The following HSF1 variants were observed in gnomAD, a reference collection of about 807,000 sequenced individuals.
The protein encoded by HSF1 is heat shock factor protein 1.
In HSF1, 32 loss-of-function variants were observed where a neutral mutation model predicts 51.7. The observed-to-expected ratio is 0.62, with a 90% CI of 0.47 to 0.83. HSF1 has a LOEUF of 0.83. Ranked by LOEUF, HSF1 falls within the 40% of genes least tolerant of loss-of-function variation. The pLI is 0.00. For synonymous variants in HSF1, 396 were observed against 309.7 expected, an observed-to-expected ratio of 1.28 and a Z score of -2.92; for missense variants, 727 against 717.0, an observed-to-expected ratio of 1.01 and a Z score of -0.16.
intron 5 of HSF1, 25 bp from the exon 6 acceptor site, chr8:144,311,296 G>GT: frequency 6.2e-7 from 1 of 1,613,662 alleles, no homozygotes; most frequent in Non-Finnish European, 8.5e-7. Context: ...AAGGGCCGGG[G>GT]TAACTGTGTC....
rs1554844880 is a variant in HSF1, at chr8:144,312,098, C to T, written c.996C>T (p.Asp332=). 1.9e-6 allele frequency: 3 copies of T among 1,612,490 alleles called. No individual in the cohort carries two copies. The highest frequency in any genetic ancestry group is 1.7e-4 in the Middle Eastern group (1 of 6,060). The change falls in exon 9 of 13, where the codon GAC becomes GAT. Residue 332 remains aspartate, a synonymous_variant. Transcript: ENST00000528838. ...TCTTGTCCCCGACCGCCCTCATTGA[C>T]TCCATCCTGCGGGAGAGTGAACCTG... ...DTLLSPTALI[D]SILRESEPAP...
At chr8:144,312,770 C>T in intron 9 of HSF1, 1 of 1,439,934 alleles carries the variant, frequency 6.9e-7, no homozygotes. Flanking sequence ...GGCCCTCCCA[C>T]ACAGCCGTGG....
intron 1 of HSF1, among the ~76,000 whole-genome samples, chr8:144,304,102 G>A (rs1173629684): frequency 2.0e-5 from 3 of 151,092 alleles, no homozygotes; most frequent in Non-Finnish European, 2.9e-5. Flanking sequence ...CTGGTGGTCT[G>A]CCCAGCCCAT....
At position 144,300,006 on chromosome 8, in the gene HSF1, A is replaced by G. The variant is rs145072347; in HGVS notation, c.117+8132A>G. Among the ~76,000 whole-genome samples, 33 of 152,308 alleles carry G rather than the reference A, an allele frequency of 2.2e-4. 1 individual carries two copies. The East Asian group carries it at 5.4e-3, about 25-fold the overall frequency. On this transcript the variant is annotated intron_variant, in intron 1 of 12. Transcript: ENST00000528838. ...CTAATCTCCCAAGTAGAAGAATTCCACATTGTTTACTGAGATAGTTCCCCT... is the reference window on the plus strand; with the variant it reads ...CTAATCTCCCAAGTAGAAGAATTCCGCATTGTTTACTGAGATAGTTCCCCT...
At chr8:144,309,639 T>TGCCC in intron 3 of HSF1, 48 bp downstream of exon 3, 2 of 1,562,284 alleles carry the variant, frequency 1.3e-6, no homozygotes, top group Non-Finnish European at 1.7e-6. Context: ...GCCACAGCTC[T>TGCCC]CCCCGCCCGC....
chr8:144,296,916 G>A (rs782228415), intron 1 of HSF1, among the ~76,000 whole-genome samples: 25 of 118,468 alleles, frequency 2.1e-4, no homozygotes, highest in Non-Finnish European at 4.2e-4. Context: ...CCTCTGCCCC[G>A]GATGGTGTGG....
At chr8:144,296,107 C>T (rs1476296455) in intron 1 of HSF1, among the ~76,000 whole-genome samples, 13 of 152,132 alleles carry the variant, frequency 8.5e-5, no homozygotes, top group Admixed American at 6.5e-5. Context: ...GTCAGGTGGC[C>T]GCTGTGGAGG....
chr8:144,310,557 G>C (rs1169455397), intron 4 of HSF1: 4 of 159,932 alleles, frequency 2.5e-5, no homozygotes, highest in Admixed American at 2.3e-4. Context: ...AGACTCTCCT[G>C]CATGGGGTCT....
intron 9 of HSF1, chr8:144,312,992 C>A: frequency 1.9e-6 from 1 of 528,066 alleles, no homozygotes; most frequent in Non-Finnish European, 3.4e-6. Flanking sequence ...CACTTCCTGT[C>A]AGGCAGGGTC....
chr8:144,312,670 C>T (rs782649305), intron 9 of HSF1: 4 of 1,535,508 alleles, frequency 2.6e-6, no homozygotes, highest in South Asian at 2.4e-5. Flanking sequence ...CCCGCCTCTT[C>T]CCCTGCCCCT....
rs782002746 is a variant in HSF1, at chr8:144,309,905, C to T, written c.488+9C>T. 1 of 1,612,396 alleles carries T rather than the reference C, an allele frequency of 6.2e-7. No homozygotes were observed. Among genetic ancestry groups the T allele is most frequent in the Non-Finnish European group, 8.5e-7 (1 of 1,179,124 alleles). On this transcript the variant is annotated intron_variant, in intron 4 of 12. Transcript: ENST00000528838. ...CTCCTGGCCATGAAGCAGTAGGTCC[C>T]ACACCAGCATTATGGGCCACAGCGG...
intron 2 of HSF1, 26 bp downstream of exon 2, chr8:144,309,040 G>T: frequency 6.4e-7 from 1 of 1,552,580 alleles, no homozygotes; most frequent in Non-Finnish European, 8.9e-7. Flanking sequence ...AGGCAGCGCA[G>T]GGGTGCGGGA....
At chr8:144,302,431 C>T (rs541215071) in intron 1 of HSF1, among the ~76,000 whole-genome samples, 2 of 151,746 alleles carry the variant, frequency 1.3e-5, no homozygotes, top group South Asian at 2.2e-4. Flanking sequence ...CGCATGAACC[C>T]GGGAGGCAGA....
At chr8:144,312,391 A>G (rs1816742669) in intron 9 of HSF1, 147 bp downstream of exon 9, 2 of 715,966 alleles carry the variant, frequency 2.8e-6, no homozygotes, top group African/African-American at 3.6e-5. Context: ...GGGGAGGGAG[A>G]CAGGTGCCAG....
rs782746156 is a variant in HSF1, at chr8:144,291,897, G to T, written c.117+23G>T. The T allele has an allele frequency of 7.3e-7, 1 of 1,368,790 alleles. No homozygotes were observed. The highest frequency in any genetic ancestry group is 9.7e-7 in the Non-Finnish European group (1 of 1,029,396). The allele number at this position is 1,368,790 out of a possible 1,614,324, so 84.8% of individuals were successfully genotyped here. On this transcript the variant is annotated intron_variant, in intron 1 of 12. Transcript: ENST00000528838. This position sits in a 1 kb window ranked among gnomAD's most constrained non-coding sequence, Gnocchi z 4.1. The stretch of plus-strand genomic sequence containing the variant: ...CCGGTGAGGGCAGCGCGCGGGCGCG[G>T]GGCCCGTGGGGACCGGGAGGGAGCA...
chr8:144,298,025 G>A (rs887244287), intron 1 of HSF1, among the ~76,000 whole-genome samples: 6 of 152,306 alleles, frequency 3.9e-5, no homozygotes, highest in South Asian at 2.1e-4. Flanking sequence ...ACTTCTCAGC[G>A]TGTGGCATCT....
intron 9 of HSF1, chr8:144,312,579 A>G (rs1416282892): frequency 2.0e-6 from 3 of 1,463,800 alleles, no homozygotes; most frequent in African/African-American, 2.8e-5. Flanking sequence ...CGGCCTCCAC[A>G]CCCCCAGCCC....
chr8:144,310,281 A>C, intron 4 of HSF1: 1 of 182,776 alleles, frequency 5.5e-6, no homozygotes, highest in Non-Finnish European at 1.1e-5. Flanking sequence ...CCTTCCTGGA[A>C]CCGCTGTCCC....
intron 1 of HSF1, among the ~76,000 whole-genome samples, chr8:144,302,489 G>A (rs563259988): frequency 6.9e-6 from 1 of 145,580 alleles, no homozygotes; most frequent in Non-Finnish European, 1.5e-5. Context: ...CCTGGGCAGT[G>A]GAGCGAGACT....
Sources: allele counts gnomAD v4.1 joint callset (sites outside exome capture counted in the v4.1 genomes callset), GRCh38; gene constraint gnomAD v4.1.1; non-coding constraint Gnocchi (gnomAD v3.1); transcripts MANE v1.5; gene names NCBI Gene and HGNC (gene_info 2026-07-23, HGNC 2026-07-21).